PRMT8: variants seen among roughly 807,000 people sequenced by gnomAD.
PRMT8 encodes protein arginine methyltransferase 8.
A neutral mutation model predicts 47.1 loss-of-function variants in PRMT8; 7 were observed. The observed-to-expected ratio is 0.15, with a 90% CI of 0.08 to 0.28. The LOEUF is 0.28. PRMT8 is among the 10% of genes least tolerant of loss of function. PRMT8 has a pLI of 1.00. For missense variants in PRMT8, 237 were observed against 505.4 expected (o/e 0.47, Z 5.09); for synonymous variants, 188 against 186.5 (o/e 1.01, Z -0.07).
intron 1 of PRMT8, among the ~76,000 whole-genome samples, chr12:3,460,273 G>A (rs547473400): frequency 1.3e-5 from 2 of 152,284 alleles, no homozygotes; most frequent in East Asian, 3.9e-4. Flanking sequence ...TGCCCCTTGG[G>A]ATATCATGGG....
chr12:3,465,135 T>TATATATATATAATTTTTTTATAAAAAAAA (rs1565414394), intron 1 of PRMT8, among the ~76,000 whole-genome samples: 3 of 138,830 alleles, frequency 2.2e-5, no homozygotes, highest in African/African-American at 8.0e-5. Context: ...AAAAAATATA[T>TATATATATATAATTTTTTTATAAAAAAAA]ATATATATAT....
upstream of PRMT8, among the ~76,000 whole-genome samples, chr12:3,487,365 C>A (rs1865332672): frequency 6.6e-6 from 1 of 152,022 alleles, no homozygotes; most frequent in Non-Finnish European, 1.5e-5. Context: ...AGTTAAAATG[C>A]TGCTTCCTGA....
chr12:3,405,158 CAT>C (rs1358362171), intron 1 of PRMT8, among the ~76,000 whole-genome samples: 1 of 152,174 alleles, frequency 6.6e-6, no homozygotes, highest in African/African-American at 2.4e-5. Context: ...GGGAAGCAAA[CAT>C]GTCCTTCTTC....
At chr12:3,540,258 C>T (rs535559215) in intron 1 of PRMT8, among the ~76,000 whole-genome samples, 1 of 152,312 alleles carries the variant, frequency 6.6e-6, no homozygotes, top group African/African-American at 2.4e-5. Context: ...TGCATCTTTC[C>T]CTTTATTGAA....
intron 2 of PRMT8, among the ~76,000 whole-genome samples, chr12:3,541,783 G>A (rs11062714): frequency 0.26 from 39,648 of 152,090 alleles, 5,463 homozygotes; most frequent in East Asian, 0.45. Context: ...TGCTTACTAC[G>A]TGCTGGTGTT....
In PRMT8 at chr12:3,470,500, G is replaced by A. The variant is rs373868708; in HGVS notation, c.49-70106G>A. Among the ~76,000 whole-genome samples the A allele has an allele frequency of 2.0e-5, 3 of 152,270 alleles. No individual in the cohort carries two copies. In the South Asian group the frequency reaches 6.2e-4, roughly 32 times the overall value. On this transcript the variant is annotated intron_variant, in intron 1 of 9. Coordinates refer to the PRMT8 transcript ENST00000452611. ...GTCTACCATGTTTTTCTCACTAAGT[G>A]GGAGGTCTGTGAGCTCCGTCCCTCC...
intron 1 of PRMT8, among the ~76,000 whole-genome samples, chr12:3,407,242 T>C (rs1312037932): frequency 6.6e-6 from 1 of 152,036 alleles, no homozygotes; most frequent in African/African-American, 2.4e-5. Context: ...TCCCACTGGG[T>C]CCCTCCCACA....
chr12:3,491,042 A>G (rs1865386134), upstream of PRMT8, among the ~76,000 whole-genome samples: 1 of 151,828 alleles, frequency 6.6e-6, no homozygotes, highest in Non-Finnish European at 1.5e-5. Context: ...AGCGCCAGGG[A>G]GTGGAGGCGG....
Position 3,470,045 on chromosome 12 carries a change from T to C in PRMT8, c.49-70561T>C, listed in dbSNP as rs375111808. Among the ~76,000 whole-genome samples, 17 of 152,308 alleles carry C rather than the reference T, an allele frequency of 1.1e-4. 1 individual carries two copies. The highest frequency in any genetic ancestry group is 4.1e-4 in the South Asian group (2 of 4,828). On this transcript the variant is annotated intron_variant, in intron 1 of 9. Coordinates refer to the PRMT8 transcript ENST00000452611. ...TCGTCATCAGGACCCCAAGTCATGATGGAAAGGTTAAATTATTTTCAAAAC... is the reference window on the plus strand; with the variant it reads ...TCGTCATCAGGACCCCAAGTCATGACGGAAAGGTTAAATTATTTTCAAAAC...
chr12:3,539,850 T>C (rs1866188576), intron 1 of PRMT8, among the ~76,000 whole-genome samples: 1 of 152,044 alleles, frequency 6.6e-6, no homozygotes, highest in African/African-American at 2.4e-5. Flanking sequence ...GAATTCAGGG[T>C]AGAACTGTGA....
intron 1 of PRMT8, among the ~76,000 whole-genome samples, chr12:3,495,589 G>C (rs1865492605): frequency 6.6e-6 from 1 of 152,138 alleles, no homozygotes; most frequent in Non-Finnish European, 1.5e-5. Flanking sequence ...TGTTCCTAAC[G>C]CCTGTCTCTC....
chr12:3,585,664 C>A (rs779703574), intron 8 of PRMT8, among the ~76,000 whole-genome samples: 4 of 151,924 alleles, frequency 2.6e-5, no homozygotes, highest in African/African-American at 9.7e-5. Flanking sequence ...TTCCCAGAAC[C>A]AGTGCCTCCT....
chr12:3,567,482 A>G (rs957453550), intron 4 of PRMT8, among the ~76,000 whole-genome samples: 2 of 152,168 alleles, frequency 1.3e-5, no homozygotes, highest in South Asian at 2.1e-4. Flanking sequence ...GGAGGCATCT[A>G]TGCTTTCTTT....
intron 4 of PRMT8, among the ~76,000 whole-genome samples, chr12:3,562,339 C>G (rs188026213): frequency 1.6e-3 from 237 of 152,096 alleles, no homozygotes; most frequent in African/African-American, 5.3e-3. Context: ...TTCATCCTTT[C>G]GAGTATTATT....
chr12:3,425,835 C>T (rs932350612), intron 1 of PRMT8, among the ~76,000 whole-genome samples: 2 of 152,340 alleles, frequency 1.3e-5, no homozygotes, highest in Middle Eastern at 3.4e-3. Flanking sequence ...TCCAATTATT[C>T]GGCAGAGTGC....
chr12:3,561,478 C>T (rs1866636154), intron 4 of PRMT8, among the ~76,000 whole-genome samples: 1 of 152,168 alleles, frequency 6.6e-6, no homozygotes, highest in Non-Finnish European at 1.5e-5. Context: ...TAGAGTTGGT[C>T]TTCTATCACA....
chr12:3,460,895 T>C (rs1380417172), intron 1 of PRMT8, among the ~76,000 whole-genome samples: 2 of 152,172 alleles, frequency 1.3e-5, no homozygotes, highest in African/African-American at 4.8e-5. Flanking sequence ...CTTGAAGAGA[T>C]TTTGAGCATC....
chr12:3,382,774 T>A (rs1864104763), intron 1 of PRMT8, among the ~76,000 whole-genome samples: 1 of 152,230 alleles, frequency 6.6e-6, no homozygotes, highest in South Asian at 2.1e-4. Flanking sequence ...TGGTGTCAAA[T>A]CTAAGATCTC....
At chr12:3,447,778 A>G (rs937833221) in intron 1 of PRMT8, among the ~76,000 whole-genome samples, 32 of 152,168 alleles carry the variant, frequency 2.1e-4, no homozygotes, top group Admixed American at 8.5e-4. Context: ...CACATCATCA[A>G]GGCTTAAATT....
Sources: gnomAD v4.1 joint callset for allele counts (sites outside exome capture counted in the v4.1 genomes callset) on GRCh38, gnomAD v4.1.1 for gene constraint, MANE v1.5 for transcripts, NCBI Gene and HGNC (gene_info 2026-07-23, HGNC 2026-07-21) for gene names.